The following ZNF462 variants were observed in gnomAD, a reference collection of about 807,000 sequenced individuals.
ZNF462 encodes the protein zinc finger PBX1-interacting protein.
ZNF462 carries 10 observed loss-of-function variants against 201.9 expected under a neutral mutation model. The ratio of observed to expected loss-of-function variants is 0.05; its 90% CI spans 0.03 to 0.08. The LOEUF (loss-of-function observed/expected upper bound fraction) is 0.08. ZNF462 is among the 10% of genes least tolerant of loss of function. The pLI is 1.00. For missense variants in ZNF462, 2,523 were observed against 3,168.3 expected (o/e 0.80, Z 4.89); for synonymous variants, 1,227 against 1,193.3 (o/e 1.03, Z -0.58).
Position 106,993,598 on chromosome 9 carries a change from TC to T in ZNF462, c.7056+9190del, listed in dbSNP as rs1192213271. ...CTCTAGAAGGTTGACTAGTGTAGTC[TC>T]TCCCTCCTCTCCCCCTCCCCTTTAC... On this transcript the variant is annotated intron_variant, in intron 10 of 12. Transcript: ENST00000277225. The surrounding 1 kb of genome is among the most constrained non-coding windows in gnomAD (Gnocchi z 4.0). Among the ~76,000 whole-genome samples, 1 of 151,620 alleles carries T rather than the reference TC, an allele frequency of 6.6e-6. No individual in the cohort carries two copies. The highest frequency in any genetic ancestry group is 2.4e-5 in the African/African-American group (1 of 41,228).
In ZNF462 at chr9:106,933,803, G is replaced by A. The variant is rs1392496555; in HGVS notation, c.6116+1254G>A. 1.3e-5 allele frequency among the ~76,000 whole-genome samples: 2 copies of A among 152,156 alleles called. No individual in the cohort carries two copies. Among genetic ancestry groups the A allele is most frequent in the Non-Finnish European group, 2.9e-5 (2 of 68,026 alleles). On this transcript the variant is annotated intron_variant, in intron 5 of 12. Transcript: ENST00000277225. The surrounding 1 kb of genome is among the most constrained non-coding windows in gnomAD (Gnocchi z 4.3). ...GCATTTGGGTGAAGTCTTAAAGTAGGAAAATAGGACTTGAATAGTTTGGAA... is the reference window on the plus strand; with the variant it reads ...GCATTTGGGTGAAGTCTTAAAGTAGAAAAATAGGACTTGAATAGTTTGGAA...
rs951813356 is a variant in ZNF462 at position 107,012,403 on chromosome 9, T to A, written c.*1373T>A. The A allele has an allele frequency of 4.0e-5, 6 of 149,988 alleles. No homozygotes were observed. Among genetic ancestry groups the A allele is most frequent in the East Asian group, 2.0e-4 (1 of 5,106 alleles). 9.3% of individuals were successfully genotyped at this position (149,988 alleles called of 1,614,324 possible). On this transcript the variant is annotated 3_prime_UTR_variant, in exon 13 of 13. Coordinates refer to ENST00000277225, the MANE Select transcript of ZNF462 (RefSeq NM_021224.6). The stretch of plus-strand genomic sequence containing the variant: ...GTGAGAGTGGACAAGAAATAACATA[T>A]CCTACAAGGAGCCTGGAGAACTACT...
At chr9:106,899,232 G>GTA (rs1828944862) in intron 1 of ZNF462, among the ~76,000 whole-genome samples, 1 of 71,192 alleles carries the variant, frequency 1.4e-5, no homozygotes, top group East Asian at 4.6e-4. Flanking sequence ...GTGTATGTGT[G>GTA]TGTGTGTGGG....
chr9:106,982,444 T>C (rs2132233484), intron 9 of ZNF462, among the ~76,000 whole-genome samples: 1 of 152,320 alleles, frequency 6.6e-6, no homozygotes, highest in South Asian at 2.1e-4. Flanking sequence ...TAGAATATCC[T>C]AGCATGAGCT....
In ZNF462 at chr9:107,003,478, G is replaced by A. The variant is rs770706875; in HGVS notation, c.7189+52G>A. ...CCAGATGGCATCTGGCATGTCCGTA[G>A]TGAGACAGAAGGGAGGCAGGAGGTT... On this transcript the variant is annotated intron_variant, in intron 11 of 12. Transcript: ENST00000277225. The surrounding 1 kb of genome is among the most constrained non-coding windows in gnomAD (Gnocchi z 4.4). The A allele has an allele frequency of 3.1e-6, 5 of 1,599,526 alleles. No individual in the cohort carries two copies. The highest frequency in any genetic ancestry group is 2.7e-5 in the African/African-American group (2 of 74,496).
In ZNF462 at chr9:106,908,607, C is replaced by T. The variant is rs528443359; in HGVS notation, c.-30-14747C>T. ...TTTCAATTTACTCTGGGGATATTTTCCAGAGGAAGAATTATCCAATTCACA... is the reference window on the plus strand; with the variant it reads ...TTTCAATTTACTCTGGGGATATTTTTCAGAGGAAGAATTATCCAATTCACA... On this transcript the variant is annotated intron_variant, in intron 1 of 12. Transcript: ENST00000277225. Among the ~76,000 whole-genome samples, 42 of 151,940 alleles carry T rather than the reference C, an allele frequency of 2.8e-4. 1 individual carries two copies. The highest frequency in any genetic ancestry group is 6.9e-3 in the Middle Eastern group (2 of 290).
chr9:106,982,589 C>A (rs1178938853), intron 9 of ZNF462, among the ~76,000 whole-genome samples: 3 of 152,120 alleles, frequency 2.0e-5, no homozygotes, highest in African/African-American at 7.2e-5. Context: ...TCATGTGTTT[C>A]TTAGCTGTCT....
chr9:106,896,683 A>G (rs1169049475), intron 1 of ZNF462, among the ~76,000 whole-genome samples: 3 of 152,242 alleles, frequency 2.0e-5, no homozygotes, highest in Non-Finnish European at 4.4e-5. Flanking sequence ...ACATTAGATC[A>G]GTGAGGTCGA....
At position 106,935,034 on chromosome 9, in the gene ZNF462, A is replaced by G. The variant is rs149987829; in HGVS notation, c.6117-469A>G. Among the ~76,000 whole-genome samples, 10 of 152,326 alleles carry G rather than the reference A, an allele frequency of 6.6e-5. No individual in the cohort carries two copies. The East Asian group carries it at 1.9e-3, about 29-fold the overall frequency. On this transcript the variant is annotated intron_variant, in intron 5 of 12. Coordinates refer to ENST00000277225, the MANE Select transcript of ZNF462 (RefSeq NM_021224.6). This position sits in a 1 kb window ranked among gnomAD's most constrained non-coding sequence, Gnocchi z 4.1. ...TCCCTTCCTCACTCTAGTGTTCACA[A>G]TGAAAGTAGAATTAGAATTCAAAAA... is the stretch of plus-strand genomic sequence containing the variant.
Position 106,926,709 on chromosome 9 carries a change from A to G in ZNF462, c.2797A>G (p.Thr933Ala). The stretch of plus-strand genomic sequence containing the variant: ...CTACCGGTGTCGGTTTTGTTCATAC[A>G]CGAGCCCGAATGTTAGAAGCCTGAT... ...LIYRCRFCSY[T>A]SPNVRSLMPH... Residue 933 changes from threonine (T) to alanine (A), a missense_variant, in exon 3 of 13, where the codon ACG becomes GCG. This residue lies in a region of ZNF462 where 280 missense variants were observed against 321.3 expected (regional missense o/e 0.87). Coordinates refer to ENST00000277225, the MANE Select transcript of ZNF462 (RefSeq NM_021224.6). This position sits in a 1 kb window ranked among gnomAD's most constrained non-coding sequence, Gnocchi z 7.9. 2 of 1,614,100 alleles carry G rather than the reference A, an allele frequency of 1.2e-6. No homozygotes were observed. Among genetic ancestry groups the G allele is most frequent in the Non-Finnish European group, 1.7e-6 (2 of 1,180,010 alleles).
rs565277908 is a variant in ZNF462, at chr9:106,971,579, T to TAA, written c.6428-411_6428-410dup. ...AAGATGGAATCATAATCATCCCTCTTAAAAAAAAAAAAAAAAGAACTCTCA... is the reference window on the plus strand; with the variant it reads ...AAGATGGAATCATAATCATCCCTCTTAAAAAAAAAAAAAAAAAAGAACTCTCA... On this transcript the variant is annotated intron_variant, in intron 7 of 12. Transcript: ENST00000277225. Among the ~76,000 whole-genome samples the TAA allele has an allele frequency of 1.0e-3, 132 of 130,966 alleles. 1 individual carries two copies. The highest frequency in any genetic ancestry group is 2.4e-3 in the African/African-American group (85 of 35,932). The allele number at this position is 130,966 out of a possible 152,430, so 85.9% of individuals were successfully genotyped here. A position where few individuals can be genotyped will look rare whatever the true frequency, so the allele number is the denominator to read the frequency against.
rs907058776 is a variant in ZNF462 at position 106,872,321 on chromosome 9, A to T, written c.-31+8966A>T. Among the ~76,000 whole-genome samples, 2 of 152,206 alleles carry T rather than the reference A, an allele frequency of 1.3e-5. No homozygotes were observed. Among genetic ancestry groups the T allele is most frequent in the Non-Finnish European group, 2.9e-5 (2 of 68,042 alleles). On this transcript the variant is annotated intron_variant, in intron 1 of 12. Coordinates refer to ENST00000277225, the MANE Select transcript of ZNF462 (RefSeq NM_021224.6). This position sits in a 1 kb window ranked among gnomAD's most constrained non-coding sequence, Gnocchi z 4.5. ...TTCTCTGAAGACTAATTAGTATTTG[A>T]TAACAATAAGTGAGAAGGGAGTCTT...
chr9:106,904,749 A>G (rs190769530), intron 1 of ZNF462, among the ~76,000 whole-genome samples: 60 of 152,160 alleles, frequency 3.9e-4, no homozygotes, highest in Non-Finnish European at 5.4e-4. Flanking sequence ...AGTGTGTCCA[A>G]AGTTTTCTGA....
intron 1 of ZNF462, among the ~76,000 whole-genome samples, chr9:106,871,448 G>A (rs1476914657): frequency 6.6e-6 from 1 of 152,236 alleles, no homozygotes; most frequent in Non-Finnish European, 1.5e-5. Context: ...AGGAAAAGAA[G>A]AGAAGCAGGA....
Position 106,974,391 on chromosome 9 carries a change from T to G in ZNF462, c.6832+118T>G. On this transcript the variant is annotated intron_variant, in intron 9 of 12. Coordinates refer to ENST00000277225, the MANE Select transcript of ZNF462 (RefSeq NM_021224.6). The surrounding 1 kb of genome is among the most constrained non-coding windows in gnomAD (Gnocchi z 4.0). ...CTGTGCCTTGTTCCTCACCTTATCT[T>G]CAGGCAAGAAACCACAGTGATAACC... 6.7e-7 allele frequency: 1 copy of G among 1,491,450 alleles called. No homozygotes were observed. Among genetic ancestry groups the G allele is most frequent in the Non-Finnish European group, 9.3e-7 (1 of 1,069,944 alleles). The allele number at this position is 1,491,450 out of a possible 1,614,324, so 92.4% of individuals were successfully genotyped here.
At position 106,924,080 on chromosome 9, in the gene ZNF462, T is replaced by G; in HGVS notation, c.221-53T>G. On this transcript the variant is annotated intron_variant, in intron 2 of 12. Coordinates refer to ENST00000277225, the MANE Select transcript of ZNF462 (RefSeq NM_021224.6). This position sits in a 1 kb window ranked among gnomAD's most constrained non-coding sequence, Gnocchi z 6.2. ...TTGGAATGGTACTGATTTGCATGATTGGATATTTTAATTATCTTTTGCTTT... is the reference window on the plus strand; with the variant it reads ...TTGGAATGGTACTGATTTGCATGATGGGATATTTTAATTATCTTTTGCTTT... The G allele has an allele frequency of 7.0e-7, 1 of 1,424,856 alleles. No homozygotes were observed. The allele number at this position is 1,424,856 out of a possible 1,614,324, so 88.3% of individuals were successfully genotyped here.
chr9:106,924,095 T>C lies in ZNF462; in HGVS notation c.221-38T>C. 6.7e-7 allele frequency: 1 copy of C among 1,492,494 alleles called. No individual in the cohort carries two copies. Among genetic ancestry groups the C allele is most frequent in the African/African-American group, 1.4e-5 (1 of 71,316 alleles). The allele number at this position is 1,492,494 out of a possible 1,614,324, so 92.5% of individuals were successfully genotyped here. On this transcript the variant is annotated intron_variant, in intron 2 of 12. Coordinates refer to ENST00000277225, the MANE Select transcript of ZNF462 (RefSeq NM_021224.6). The surrounding 1 kb of genome is among the most constrained non-coding windows in gnomAD (Gnocchi z 6.2). ...TTTGCATGATTGGATATTTTAATTA[T>C]CTTTTGCTTTGTCACTTTCCTTATG...
chr9:106,896,373 A>G (rs1828814041), intron 1 of ZNF462, among the ~76,000 whole-genome samples: 1 of 152,206 alleles, frequency 6.6e-6, no homozygotes, highest in Admixed American at 6.5e-5. Flanking sequence ...CTTCAGATCA[A>G]TGATTCCCTC....
intron 7 of ZNF462, among the ~76,000 whole-genome samples, chr9:106,965,090 AAAG>A (rs1832010618): frequency 6.6e-6 from 1 of 152,244 alleles, no homozygotes; most frequent in African/African-American, 2.4e-5. Flanking sequence ...AGAGGAAAGC[AAAG>A]AGTTCTGTTC....
Sources: gnomAD v4.1 joint callset for allele counts (sites outside exome capture counted in the v4.1 genomes callset) on GRCh38, gnomAD v4.1.1 for gene constraint, gnomAD v4.1.1 regional missense constraint, Gnocchi (gnomAD v3.1) non-coding constraint, MANE v1.5 for transcripts, NCBI Gene and HGNC (gene_info 2026-07-23, HGNC 2026-07-21) for gene names.